ENTREP2: variants seen among roughly 807,000 people sequenced by gnomAD.
ENTREP2 encodes endosomal transmembrane epsin interactor 2.
the ENTREP2 span, among the ~76,000 whole-genome samples, chr15:29,672,681 G>A: frequency 6.6e-6 from 1 of 152,108 alleles, no homozygotes; most frequent in African/African-American, 2.4e-5. Flanking sequence ...AGAGCCGGCT[G>A]CACAGGAGAC....
At chr15:29,451,572 CG>C in the ENTREP2 span, among the ~76,000 whole-genome samples, 1 of 152,188 alleles carries the variant, frequency 6.6e-6, no homozygotes, top group East Asian at 1.9e-4. Flanking sequence ...GTGGATGACT[CG>C]GGGCGTGACT....
the ENTREP2 span, among the ~76,000 whole-genome samples, chr15:29,570,269 G>GT: frequency 1.3e-5 from 2 of 151,680 alleles, no homozygotes; most frequent in Non-Finnish European, 2.9e-5. Context: ...TCCAAGAAAA[G>GT]TAACTCCGGG....
chr15:29,535,497 C>G, the ENTREP2 span, among the ~76,000 whole-genome samples: 1 of 152,040 alleles, frequency 6.6e-6, no homozygotes, highest in African/African-American at 2.4e-5. Flanking sequence ...TCAAGACTAG[C>G]CTGGTGAGAC....
the ENTREP2 span, among the ~76,000 whole-genome samples, chr15:29,489,290 A>G: frequency 6.6e-6 from 1 of 152,198 alleles, no homozygotes; most frequent in East Asian, 1.9e-4. Context: ...CTGATTTAAG[A>G]TAATATGCTA....
the ENTREP2 span, among the ~76,000 whole-genome samples, chr15:29,399,095 C>T: frequency 6.6e-6 from 1 of 152,196 alleles, no homozygotes; most frequent in Non-Finnish European, 1.5e-5. Context: ...GAGCTGAGAG[C>T]TTCCCCACCC....
the ENTREP2 span, among the ~76,000 whole-genome samples, chr15:29,549,926 G>C: frequency 6.6e-6 from 1 of 152,288 alleles, no homozygotes; most frequent in Non-Finnish European, 1.5e-5. Context: ...GAGTGAGTTG[G>C]GGTGGAGTCA....
At chr15:29,602,442 C>A in the ENTREP2 span, among the ~76,000 whole-genome samples, 1 of 152,090 alleles carries the variant, frequency 6.6e-6, no homozygotes. Flanking sequence ...AAAATCTCTA[C>A]CTATGGTAAG....
At chr15:29,268,899 C>G in the ENTREP2 span, 3 of 1,614,156 alleles carry the variant, frequency 1.9e-6, no homozygotes, top group East Asian at 4.5e-5. Flanking sequence ...GATTATGGAC[C>G]TTGGCCACAA....
chr15:29,490,731 A>C, the ENTREP2 span, among the ~76,000 whole-genome samples: 1 of 152,164 alleles, frequency 6.6e-6, no homozygotes, highest in Non-Finnish European at 1.5e-5. Flanking sequence ...CAGAGTGCTG[A>C]CTGGTGCATA....
At chr15:29,206,295 G>A in the ENTREP2 span, among the ~76,000 whole-genome samples, 21 of 152,026 alleles carry the variant, frequency 1.4e-4, no homozygotes, top group African/African-American at 3.4e-4. Flanking sequence ...CCACTCATGC[G>A]GGCTCCACCC....
At chr15:29,542,887 A>G in the ENTREP2 span, among the ~76,000 whole-genome samples, 23 of 152,308 alleles carry the variant, frequency 1.5e-4, no homozygotes, top group African/African-American at 5.5e-4. Context: ...TATCCATGTC[A>G]TAGTATGTGT....
the ENTREP2 span, among the ~76,000 whole-genome samples, chr15:29,162,701 C>A: frequency 6.6e-6 from 1 of 152,002 alleles, no homozygotes; most frequent in Non-Finnish European, 1.5e-5. Context: ...GCCCCACCCC[C>A]ACCTGATCGT....
At chr15:29,613,195 T>C in the ENTREP2 span, 1 of 164,460 alleles carries the variant, frequency 6.1e-6, no homozygotes, top group African/African-American at 2.4e-5. Flanking sequence ...TATCTCCTTG[T>C]TGATAGACCT....
the ENTREP2 span, among the ~76,000 whole-genome samples, chr15:29,274,463 G>A: frequency 6.6e-6 from 1 of 152,078 alleles, no homozygotes; most frequent in Admixed American, 6.6e-5. Flanking sequence ...TAAGGGCTTT[G>A]GGATCAGATG....
chr15:29,519,544 T>C, the ENTREP2 span, among the ~76,000 whole-genome samples: 1 of 152,252 alleles, frequency 6.6e-6, no homozygotes, highest in East Asian at 1.9e-4. Flanking sequence ...ATTTTCCTAT[T>C]AACATTTCTT....
At chr15:29,564,583 A>T in the ENTREP2 span, among the ~76,000 whole-genome samples, 1 of 152,078 alleles carries the variant, frequency 6.6e-6, no homozygotes, top group Non-Finnish European at 1.5e-5. Flanking sequence ...AGTTGCTCTC[A>T]CCTGTTGCCA....
At chr15:29,589,684 C>T in the ENTREP2 span, among the ~76,000 whole-genome samples, 1 of 152,168 alleles carries the variant, frequency 6.6e-6, no homozygotes, top group Admixed American at 6.5e-5. Context: ...TACAGCTATT[C>T]GGATGTCAAC....
At chr15:29,654,731 A>T in the ENTREP2 span, among the ~76,000 whole-genome samples, 1 of 152,208 alleles carries the variant, frequency 6.6e-6, no homozygotes, top group Non-Finnish European at 1.5e-5. Flanking sequence ...GCTAAAAAAA[A>T]TTAGCCTGAA....
At chr15:29,344,450 G>C in the ENTREP2 span, among the ~76,000 whole-genome samples, 2 of 134,942 alleles carry the variant, frequency 1.5e-5, no homozygotes, top group African/African-American at 5.1e-5. Context: ...TTACCATCTG[G>C]GACACATTCC....
Sources: allele counts gnomAD v4.1 joint callset (sites outside exome capture counted in the v4.1 genomes callset), GRCh38; gene constraint gnomAD v4.1.1; transcripts MANE v1.5; gene names NCBI Gene and HGNC (gene_info 2026-07-23, HGNC 2026-07-21).